The following RERG variants were observed in gnomAD, a reference collection of about 807,000 sequenced individuals.
RERG encodes RAS like estrogen regulated growth inhibitor, also known as ras-related and estrogen-regulated growth inhibitor.
Under a neutral mutation model 23.2 loss-of-function variants are expected in RERG, and 25 were observed. That is an observed-to-expected ratio of 1.08 (90% CI 0.79 to 1.50). The LOEUF (loss-of-function observed/expected upper bound fraction) is 1.50. RERG is among the 40% of genes most tolerant of loss of function. The pLI, the probability that RERG is intolerant of heterozygous loss-of-function variation, is 0.00. For missense variants in RERG, 253 were observed against 250.1 expected, an observed-to-expected ratio of 1.01 and a Z score of -0.08; for synonymous variants, 81 against 89.1, an observed-to-expected ratio of 0.91 and a Z score of 0.51.
intron 2 of RERG, among the ~76,000 whole-genome samples, chr12:15,163,201 A>C (rs1054144853): frequency 2.0e-5 from 3 of 152,204 alleles, no homozygotes; most frequent in African/African-American, 7.2e-5. Context: ...AGGTGGCCTG[A>C]TATTGAAAAA....
intron 2 of RERG, among the ~76,000 whole-genome samples, chr12:15,150,640 A>T (rs1157576408): frequency 6.6e-6 from 1 of 152,190 alleles, no homozygotes; most frequent in Non-Finnish European, 1.5e-5. Flanking sequence ...TTTTACAAAG[A>T]AGGAGACTGA....
intron 2 of RERG, among the ~76,000 whole-genome samples, chr12:15,157,062 C>A (rs1031694309): frequency 1.3e-5 from 2 of 152,200 alleles, no homozygotes; most frequent in African/African-American, 4.8e-5. Context: ...CCTGTCTTTT[C>A]TTCCAGCCTC....
intron 2 of RERG, among the ~76,000 whole-genome samples, chr12:15,141,227 C>T (rs1864233914): frequency 1.3e-5 from 2 of 151,090 alleles, no homozygotes. Flanking sequence ...GCAGTCTCGG[C>T]TCACTGCAAC....
At chr12:15,220,658 TG>T (rs1012164963) in intron 1 of RERG, among the ~76,000 whole-genome samples, 2 of 152,188 alleles carry the variant, frequency 1.3e-5, no homozygotes, top group African/African-American at 4.8e-5. Context: ...TAATCATGCT[TG>T]GAACTTCTGT....
chr12:15,199,256 A>C (rs966665393), intron 2 of RERG, among the ~76,000 whole-genome samples: 5 of 152,310 alleles, frequency 3.3e-5, no homozygotes, highest in Admixed American at 6.5e-5. Context: ...TTTTCAATGT[A>C]AATGTTCTGA....
chr12:15,116,373 G>GA (rs1863721744), intron 3 of RERG, among the ~76,000 whole-genome samples: 1 of 152,172 alleles, frequency 6.6e-6, no homozygotes, highest in Admixed American at 6.5e-5. Flanking sequence ...AGTTGTCTGA[G>GA]AGACAGGGAC....
intron 3 of RERG, among the ~76,000 whole-genome samples, chr12:15,120,629 T>C (rs1028397828): frequency 1.3e-5 from 2 of 152,188 alleles, no homozygotes; most frequent in African/African-American, 2.4e-5. Context: ...GTCGGATGTA[T>C]TGGAGAGAAG....
chr12:15,211,338 C>T (rs1224686118), intron 2 of RERG, among the ~76,000 whole-genome samples: 1 of 149,064 alleles, frequency 6.7e-6, no homozygotes, highest in African/African-American at 2.5e-5. Flanking sequence ...CTATGGAATG[C>T]TATTCGGCCT....
intron 2 of RERG, among the ~76,000 whole-genome samples, chr12:15,206,240 T>C (rs1369076058): frequency 6.6e-6 from 1 of 152,112 alleles, no homozygotes; most frequent in African/African-American, 2.4e-5. Context: ...GAAAAAGTTC[T>C]AGTTTTAAGG....
intron 2 of RERG, among the ~76,000 whole-genome samples, chr12:15,188,234 C>T (rs1219186589): frequency 6.6e-6 from 1 of 152,092 alleles, no homozygotes; most frequent in Admixed American, 6.5e-5. Flanking sequence ...ACATGGTTGC[C>T]TTTAATGCCT....
At chr12:15,167,330 A>T (rs1249829136) in intron 2 of RERG, among the ~76,000 whole-genome samples, 1 of 151,834 alleles carries the variant, frequency 6.6e-6, no homozygotes, top group Non-Finnish European at 1.5e-5. Flanking sequence ...CATCAGAAAG[A>T]CTCCACCCCA....
chr12:15,189,901 G>A (rs922872642), intron 2 of RERG, among the ~76,000 whole-genome samples: 4 of 152,104 alleles, frequency 2.6e-5, no homozygotes, highest in South Asian at 2.1e-4. Context: ...GGAGCTTGAC[G>A]TTAAGAAACC....
chr12:15,203,286 T>C (rs1865242003), intron 2 of RERG, among the ~76,000 whole-genome samples: 1 of 151,720 alleles, frequency 6.6e-6, no homozygotes, highest in Admixed American at 6.6e-5. Context: ...TTTCACTGCT[T>C]GTTTGTTTTC....
chr12:15,130,477 A>G (rs758016200), intron 2 of RERG, among the ~76,000 whole-genome samples: 1 of 152,096 alleles, frequency 6.6e-6, no homozygotes, highest in Admixed American at 6.5e-5. Context: ...TATAGTGATT[A>G]TTTCTGAAGG....
At chr12:15,115,098 G>A (rs1049734229) in intron 3 of RERG, among the ~76,000 whole-genome samples, 1 of 151,312 alleles carries the variant, frequency 6.6e-6, no homozygotes, top group Non-Finnish European at 1.5e-5. Flanking sequence ...GATTAGAAGT[G>A]TATATATATA....
chr12:15,191,273 T>C (rs991809802), intron 2 of RERG, among the ~76,000 whole-genome samples: 2 of 152,172 alleles, frequency 1.3e-5, no homozygotes, highest in Admixed American at 6.5e-5. Context: ...AGATGTAGAA[T>C]TGAACATTCT....
chr12:15,213,404 G>A (rs1027604875), intron 2 of RERG, among the ~76,000 whole-genome samples: 2 of 152,202 alleles, frequency 1.3e-5, no homozygotes, highest in Non-Finnish European at 2.9e-5. Flanking sequence ...CATTATTAGT[G>A]CTTCACCCTT....
chr12:15,127,430 A>G (rs187672461), intron 2 of RERG, among the ~76,000 whole-genome samples: 1 of 152,336 alleles, frequency 6.6e-6, no homozygotes, highest in Admixed American at 6.5e-5. Flanking sequence ...TCATTTCTTG[A>G]AAATATATTG....
chr12:15,112,955 A>G (rs1055816177), intron 3 of RERG, among the ~76,000 whole-genome samples: 3 of 152,214 alleles, frequency 2.0e-5, no homozygotes, highest in Admixed American at 2.0e-4. Context: ...GATATCAATG[A>G]GGAAGAAGTC....
Sources: gnomAD v4.1 joint callset for allele counts (sites outside exome capture counted in the v4.1 genomes callset) on GRCh38, gnomAD v4.1.1 for gene constraint, MANE v1.5 for transcripts, NCBI Gene and HGNC (gene_info 2026-07-23, HGNC 2026-07-21) for gene names.